DNMT3A: variants seen among roughly 807,000 people sequenced by gnomAD.
DNMT3A encodes the protein DNA (cytosine-5)-methyltransferase 3A.
A neutral mutation model predicts 117.6 loss-of-function variants in DNMT3A; 267 were observed. That is an observed-to-expected ratio of 2.27 (90% CI 2.05 to 2.51). The LOEUF (loss-of-function observed/expected upper bound fraction) is 2.51, where lower values mean the gene tolerates loss of function less well. Among genes scored for constraint, DNMT3A ranks in the 30% most tolerant of loss-of-function variants. The probability of loss-of-function intolerance (pLI) is 0.00; values close to 1 mark genes in which losing one functional copy is unlikely to be tolerated. For synonymous variants in DNMT3A, 432 were observed against 474.8 expected, an observed-to-expected ratio of 0.91 and a Z score of 1.17; for missense variants, 1,029 against 1,260.2, an observed-to-expected ratio of 0.82 and a Z score of 2.78.
intron 17 of DNMT3A, among the ~76,000 whole-genome samples, chr2:25,241,059 T>C (rs978860223): frequency 6.6e-6 from 1 of 152,160 alleles, no homozygotes; most frequent in Non-Finnish European, 1.5e-5. Context: ...GTCTGGGCCA[T>C]GTGAATGTCC....
At chr2:25,326,051 C>A (rs1042413483) in intron 1 of DNMT3A, among the ~76,000 whole-genome samples, 2 of 150,976 alleles carry the variant, frequency 1.3e-5, no homozygotes, top group African/African-American at 4.9e-5. Flanking sequence ...GCCTTGTGAA[C>A]AAATGCAGAA....
chr2:25,319,723 C>A (rs2034522162), intron 1 of DNMT3A, among the ~76,000 whole-genome samples: 1 of 152,124 alleles, frequency 6.6e-6, no homozygotes, highest in Non-Finnish European at 1.5e-5. Context: ...TCGCTCGTGG[C>A]CATACTCTGC....
intron 6 of DNMT3A, among the ~76,000 whole-genome samples, chr2:25,251,564 G>C (rs1377636148): frequency 1.3e-5 from 2 of 152,172 alleles, no homozygotes; most frequent in Non-Finnish European, 2.9e-5. Context: ...CGACTGCAGC[G>C]CTTCCCATTC....
Position 25,305,301 on chromosome 2 carries a change from G to A in DNMT3A, c.73-5058C>T, listed in dbSNP as rs2033727793. On this transcript the variant is annotated intron_variant, in intron 2 of 22. Transcript: ENST00000321117. This position sits in a 1 kb window ranked among gnomAD's most constrained non-coding sequence, Gnocchi z 4.1. ...CTTTCAAAGCACCTTCACATTTGGTGGCCTGTGAGATTAGGTGGTTCCTCT... is the reference window on the plus strand; with the variant it reads ...CTTTCAAAGCACCTTCACATTTGGTAGCCTGTGAGATTAGGTGGTTCCTCT... Among the ~76,000 whole-genome samples the A allele has an allele frequency of 1.3e-5, 2 of 152,168 alleles. No homozygotes were observed. The highest frequency in any genetic ancestry group is 4.2e-4 in the South Asian group (2 of 4,818).
chr2:25,270,916 C>T (rs956697772), intron 6 of DNMT3A, among the ~76,000 whole-genome samples: 3 of 152,130 alleles, frequency 2.0e-5, no homozygotes, highest in Non-Finnish European at 4.4e-5. Context: ...CCCAGCTACT[C>T]GGGAGGCTGA....
intron 3 of DNMT3A, among the ~76,000 whole-genome samples, chr2:25,284,899 A>T (rs539226372): frequency 6.6e-6 from 1 of 152,198 alleles, no homozygotes; most frequent in South Asian, 2.1e-4. Flanking sequence ...AGGGTATCAT[A>T]CTAGTCGTAA....
rs942514980 is a variant in DNMT3A at position 25,230,900 on chromosome 2, C to A, written c.*3379G>T. On this transcript the variant is annotated 3_prime_UTR_variant, in exon 23 of 23. Transcript: ENST00000321117. Reference sequence around the variant, plus strand: ...GCTCTCAAGCTGTCAGCCATAAGGGCTCCTCTGTGCCCAGCACTCCCTCCT... The same window carrying A: ...GCTCTCAAGCTGTCAGCCATAAGGGATCCTCTGTGCCCAGCACTCCCTCCT... 5 of 150,074 alleles carry A rather than the reference C, an allele frequency of 3.3e-5. No individual in the cohort carries two copies. The highest frequency in any genetic ancestry group is 7.4e-5 in the African/African-American group (3 of 40,498). 9.3% of individuals were successfully genotyped at this position (150,074 alleles called of 1,614,324 possible). A position where few individuals can be genotyped will look rare whatever the true frequency, so the allele number is the denominator to read the frequency against.
At position 25,282,925 on chromosome 2, in the gene DNMT3A, G is replaced by A. The variant is rs1339986961; in HGVS notation, c.178-214C>T. On this transcript the variant is annotated intron_variant, in intron 3 of 22. Coordinates refer to ENST00000321117, the MANE Select transcript of DNMT3A (RefSeq NM_022552.5). The surrounding 1 kb of genome is among the most constrained non-coding windows in gnomAD (Gnocchi z 5.2). Reference sequence around the variant, plus strand: ...TGACCCCTTGAAATCACGAGTCTGTGGACTCCAGCTTCAGAAACAGGAAAA... The same window carrying A: ...TGACCCCTTGAAATCACGAGTCTGTAGACTCCAGCTTCAGAAACAGGAAAA... Among the ~76,000 whole-genome samples the A allele has an allele frequency of 6.6e-6, 1 of 152,170 alleles. No individual in the cohort carries two copies. Among genetic ancestry groups the A allele is most frequent in the Non-Finnish European group, 1.5e-5 (1 of 68,034 alleles).
chr2:25,265,233 G>A (rs1194312813), intron 6 of DNMT3A, among the ~76,000 whole-genome samples: 1 of 152,242 alleles, frequency 6.6e-6, no homozygotes, highest in Non-Finnish European at 1.5e-5. Flanking sequence ...AAGAGGCATG[G>A]GGAGCAGCCC....
chr2:25,328,936 C>A (rs938463938), intron 1 of DNMT3A, among the ~76,000 whole-genome samples: 4 of 152,154 alleles, frequency 2.6e-5, no homozygotes, highest in African/African-American at 9.7e-5. Context: ...ACCACCCTCT[C>A]CCCACACCGT....
At position 25,282,171 on chromosome 2, in the gene DNMT3A, A is replaced by G; in HGVS notation, c.448+270T>C. The G allele has an allele frequency of 1.7e-6, 2 of 1,169,122 alleles. No individual in the cohort carries two copies. Among genetic ancestry groups the G allele is most frequent in the Non-Finnish European group, 2.2e-6 (2 of 914,596 alleles). 72.4% of individuals were successfully genotyped at this position (1,169,122 alleles called of 1,614,324 possible). A position where few individuals can be genotyped will look rare whatever the true frequency, so the allele number is the denominator to read the frequency against. On this transcript the variant is annotated intron_variant, in intron 4 of 22. Coordinates refer to ENST00000321117, the MANE Select transcript of DNMT3A (RefSeq NM_022552.5). The surrounding 1 kb of genome is among the most constrained non-coding windows in gnomAD (Gnocchi z 5.2). ...AGATCTAGCTTTTTTTTTTTTCATG[A>G]GAAGCCAAAACTCCAGATTTTTATG...
Position 25,298,941 on chromosome 2 carries a change from C to T in DNMT3A, c.177+1198G>A, listed in dbSNP as rs951162392. On this transcript the variant is annotated intron_variant, in intron 3 of 22. Coordinates refer to ENST00000321117, the MANE Select transcript of DNMT3A (RefSeq NM_022552.5). This position sits in a 1 kb window ranked among gnomAD's most constrained non-coding sequence, Gnocchi z 4.3. ...CCCCACCTCCAGGAACTCACCACCC[C>T]CCCCGCCTCTACTGTCCCATTTCAC... is the stretch of plus-strand genomic sequence containing the variant. Among the ~76,000 whole-genome samples the T allele has an allele frequency of 6.6e-6, 1 of 150,788 alleles. No individual in the cohort carries two copies. Among genetic ancestry groups the T allele is most frequent in the Admixed American group, 6.6e-5 (1 of 15,188 alleles).
chr2:25,270,258 G>A (rs571296365), intron 6 of DNMT3A, among the ~76,000 whole-genome samples: 4 of 152,196 alleles, frequency 2.6e-5, no homozygotes, highest in East Asian at 1.9e-4. Flanking sequence ...CAGTTCAACC[G>A]TCAAAAGCCA....
At position 25,234,580 on chromosome 2, in the gene DNMT3A, C is replaced by A. The variant is rs1257017456; in HGVS notation, c.2598-160G>T. On this transcript the variant is annotated intron_variant, in intron 22 of 22. Transcript: ENST00000321117. This position sits in a 1 kb window ranked among gnomAD's most constrained non-coding sequence, Gnocchi z 4.5. ...CAACTCCTCTGACGCCTGCTTAGTT[C>A]TGCCGAATCTTCTGTCCTTTATAAA... Among the ~76,000 whole-genome samples, 1 of 152,182 alleles carries A rather than the reference C, an allele frequency of 6.6e-6. No individual in the cohort carries two copies. Among genetic ancestry groups the A allele is most frequent in the Non-Finnish European group, 1.5e-5 (1 of 68,038 alleles).
chr2:25,278,080 G>A (rs1389926339), intron 4 of DNMT3A, among the ~76,000 whole-genome samples: 1 of 149,590 alleles, frequency 6.7e-6, no homozygotes, highest in Non-Finnish European at 1.5e-5. Flanking sequence ...GCCTCGGAAT[G>A]CGGCACTTGT....
intron 6 of DNMT3A, among the ~76,000 whole-genome samples, chr2:25,270,179 T>C (rs1270680766): frequency 2.0e-5 from 3 of 152,226 alleles, no homozygotes; most frequent in Non-Finnish European, 4.4e-5. Flanking sequence ...AAGTGTCTTG[T>C]GCCTCGAGAG....
intron 6 of DNMT3A, among the ~76,000 whole-genome samples, chr2:25,274,450 T>C (rs889826380): frequency 1.3e-5 from 2 of 152,194 alleles, no homozygotes; most frequent in Non-Finnish European, 2.9e-5. Flanking sequence ...CATCTGGCCC[T>C]TTCTCCTTTG....
chr2:25,229,788 T>C lies in DNMT3A; in HGVS notation c.*4491A>G, dbSNP rs1672799795. The C allele has an allele frequency of 6.6e-6, 1 of 152,248 alleles. No homozygotes were observed. The highest frequency in any genetic ancestry group is 1.5e-5 in the Non-Finnish European group (1 of 68,032). 9.4% of individuals were successfully genotyped at this position (152,248 alleles called of 1,614,324 possible). A position where few individuals can be genotyped will look rare whatever the true frequency, so the allele number is the denominator to read the frequency against. ...TCAAAACTGCCTCCCAAATGTACTC[T>C]ATTTATATAAGCAAAACTATGAAAT... On this transcript the variant is annotated 3_prime_UTR_variant, in exon 23 of 23. Coordinates refer to ENST00000321117, the MANE Select transcript of DNMT3A (RefSeq NM_022552.5).
rs748563762 is a variant in DNMT3A, at chr2:25,246,113, G to A, written c.1429+47C>T. 2.5e-5 allele frequency: 41 copies of A among 1,614,054 alleles called. No individual in the cohort carries two copies. The East Asian group carries it at 6.2e-4, about 25-fold the overall frequency. Reference sequence around the variant, plus strand: ...TCAGAGGAGGCCGCGCCTGCTCCTCGGATGCAGGCCTCCTGGTGCCACCCT... The same window carrying A: ...TCAGAGGAGGCCGCGCCTGCTCCTCAGATGCAGGCCTCCTGGTGCCACCCT... On this transcript the variant is annotated intron_variant, in intron 11 of 22. Coordinates refer to ENST00000321117, the MANE Select transcript of DNMT3A (RefSeq NM_022552.5).
Sources: gnomAD v4.1 joint callset for allele counts (sites outside exome capture counted in the v4.1 genomes callset) on GRCh38, gnomAD v4.1.1 for gene constraint, Gnocchi (gnomAD v3.1) non-coding constraint, MANE v1.5 for transcripts, NCBI Gene and HGNC (gene_info 2026-07-23, HGNC 2026-07-21) for gene names.